Variants in TRAK1 observed in about 807,000 individuals in gnomAD.
The protein encoded by TRAK1 is trafficking kinesin protein 1.
TRAK1 carries 33 observed loss-of-function variants against 92.1 expected under a neutral mutation model. The ratio of observed to expected loss-of-function variants is 0.36; its 90% confidence interval spans 0.27 to 0.48. The LOEUF (loss-of-function observed/expected upper bound fraction) is 0.48, where lower values mean the gene tolerates loss of function less well. TRAK1 is among the 20% of genes least tolerant of loss of function. The pLI is 0.99. For missense variants in TRAK1, 1,123 were observed against 1,257.9 expected, an observed-to-expected ratio of 0.89 and a Z score of 1.62; for synonymous variants, 521 against 517.3, an observed-to-expected ratio of 1.01 and a Z score of -0.10.
intron 13 of TRAK1, 57 bp from the exon 14 acceptor site, chr3:42,209,710 C>A: frequency 6.5e-7 from 1 of 1,542,264 alleles, no homozygotes; most frequent in Non-Finnish European, 8.9e-7. Context: ...TCTTGGACTT[C>A]CATCCTAACC....
At chr3:42,220,675 G>A in intron 15 of TRAK1, 1 of 890,078 alleles carries the variant, frequency 1.1e-6, no homozygotes, top group Non-Finnish European at 1.3e-6. Flanking sequence ...ACTAACCCGG[G>A]GACTTAGGCT....
At chr3:42,068,462 T>G (rs1703773894) in intron 1 of TRAK1, among the ~76,000 whole-genome samples, 1 of 152,218 alleles carries the variant, frequency 6.6e-6, no homozygotes, top group Non-Finnish European at 1.5e-5. Flanking sequence ...CTGCATGTGG[T>G]CCATTAGCTG....
chr3:42,033,127 C>G (rs1050683153), intron 1 of TRAK1, among the ~76,000 whole-genome samples: 4 of 152,176 alleles, frequency 2.6e-5, no homozygotes, highest in Admixed American at 2.0e-4. Context: ...ATTACCGCGG[C>G]CTCCCATCTC....
chr3:42,042,378 T>A (rs186604995), intron 1 of TRAK1, among the ~76,000 whole-genome samples: 3 of 152,214 alleles, frequency 2.0e-5, no homozygotes, highest in Admixed American at 2.0e-4. Context: ...ATTTTATTAT[T>A]ATTATTGTCT....
chr3:42,043,620 G>GC (rs952854170), intron 1 of TRAK1, among the ~76,000 whole-genome samples: 9 of 151,848 alleles, frequency 5.9e-5, no homozygotes, highest in Admixed American at 3.3e-4. Flanking sequence ...GGAGCTGGGG[G>GC]GGGGGCGGGG....
At chr3:42,121,824 G>T (rs887499557) in intron 1 of TRAK1, among the ~76,000 whole-genome samples, 28 of 149,540 alleles carry the variant, frequency 1.9e-4, no homozygotes, top group African/African-American at 6.9e-4. Flanking sequence ...ATATACAGTT[G>T]TTTTTTTTTT....
intron 1 of TRAK1, among the ~76,000 whole-genome samples, chr3:42,036,889 A>T (rs574149293): frequency 2.2e-4 from 34 of 152,332 alleles, no homozygotes; most frequent in Non-Finnish European, 4.6e-4. Flanking sequence ...AGCTAGGATT[A>T]CAGGTGCATG....
chr3:42,200,676 G>A (rs1361734959), intron 11 of TRAK1, 142 bp from the exon 12 acceptor site: 1 of 766,222 alleles, frequency 1.3e-6, no homozygotes, highest in Admixed American at 2.3e-5. Flanking sequence ...TAAGAAACAG[G>A]TGGCAGGCAC....
intron 1 of TRAK1, among the ~76,000 whole-genome samples, chr3:42,062,046 C>G (rs1703467785): frequency 6.6e-6 from 1 of 152,296 alleles, no homozygotes. Flanking sequence ...GAGAAGGGGA[C>G]ATTGAAATTG....
intron 14 of TRAK1, chr3:42,212,117 G>C (rs527613165): frequency 1.0e-6 from 1 of 985,362 alleles, no homozygotes; most frequent in African/African-American, 1.7e-5. Flanking sequence ...AAAGCATATC[G>C]CTAAGTAAAT....
rs559616201 is a variant in TRAK1, at chr3:42,208,021, C to T, written c.1745-1746C>T. Among the ~76,000 whole-genome samples, 7 of 152,270 alleles carry T rather than the reference C, an allele frequency of 4.6e-5. No individual in the cohort carries two copies. The South Asian group carries it at 1.4e-3, about 32-fold the overall frequency. Reference sequence around the variant, plus strand: ...CAGCTGTGACAACCAAACGTGTCTCCAGACATTACCAAATGTCCCTGGGGG... The same window carrying T: ...CAGCTGTGACAACCAAACGTGTCTCTAGACATTACCAAATGTCCCTGGGGG... On this transcript the variant is annotated intron_variant, in intron 13 of 15. Coordinates refer to ENST00000327628, the MANE Select transcript of TRAK1 (RefSeq NM_001042646.3).
chr3:42,155,460 T>C (rs1447178781), intron 2 of TRAK1, among the ~76,000 whole-genome samples: 1 of 152,210 alleles, frequency 6.6e-6, no homozygotes, highest in Admixed American at 6.5e-5. Flanking sequence ...ATATTTTGTT[T>C]GTAGGGGTGG....
intron 3 of TRAK1, among the ~76,000 whole-genome samples, chr3:42,177,181 T>C (rs181706074): frequency 2.0e-5 from 3 of 152,382 alleles, no homozygotes; most frequent in African/African-American, 2.4e-5. Flanking sequence ...CATTGACTAA[T>C]GATATATTTT....
rs570797742 is a variant in TRAK1 at position 42,207,702 on chromosome 3, C to T, written c.1745-2065C>T. ...CAGTGATGCTGTGGCATCTGGGACT[C>T]GGGAGCCCACGAACTGGTCTCTGCA... On this transcript the variant is annotated intron_variant, in intron 13 of 15. Transcript: ENST00000327628. 6.6e-5 allele frequency among the ~76,000 whole-genome samples: 10 copies of T among 152,288 alleles called. No individual in the cohort carries two copies. In the South Asian group the frequency reaches 1.2e-3, roughly 19 times the overall value.
In TRAK1 at chr3:42,202,958, G is replaced by A. The variant is rs1707851708; in HGVS notation, c.1744+206G>A. 5.1e-6 allele frequency: 7 copies of A among 1,370,092 alleles called. No individual in the cohort carries two copies. The highest frequency in any genetic ancestry group is 4.7e-6 in the Non-Finnish European group (5 of 1,060,418). The allele number at this position is 1,370,092 out of a possible 1,614,324, so 84.9% of individuals were successfully genotyped here. A position where few individuals can be genotyped will look rare whatever the true frequency, so the allele number is the denominator to read the frequency against. Reference sequence around the variant, plus strand: ...CCCTCTGGCTGGCAGGTGTGACAATGCACACATAGGCCATGAAACTCGCCG... The same window carrying A: ...CCCTCTGGCTGGCAGGTGTGACAATACACACATAGGCCATGAAACTCGCCG... On this transcript the variant is annotated intron_variant, in intron 13 of 15. Transcript: ENST00000327628. The surrounding 1 kb of genome is among the most constrained non-coding windows in gnomAD (Gnocchi z 6.1).
chr3:42,041,569 T>C (rs1702540201), intron 1 of TRAK1, among the ~76,000 whole-genome samples: 1 of 151,226 alleles, frequency 6.6e-6, no homozygotes, highest in South Asian at 2.1e-4. Context: ...GGTGGTAGCT[T>C]TAATTCTTCC....
At chr3:42,195,709 C>T (rs930105855) in intron 10 of TRAK1, among the ~76,000 whole-genome samples, 14 of 152,208 alleles carry the variant, frequency 9.2e-5, no homozygotes, top group African/African-American at 3.1e-4. Context: ...ACCACCCCCT[C>T]TCCGCCTCAA....
intron 2 of TRAK1, among the ~76,000 whole-genome samples, chr3:42,140,115 C>T (rs1051940378): frequency 6.6e-6 from 1 of 152,146 alleles, no homozygotes; most frequent in African/African-American, 2.4e-5. Context: ...CCAGGATGCA[C>T]GTTGGCTCCT....
intron 1 of TRAK1, among the ~76,000 whole-genome samples, chr3:42,039,422 G>T (rs1005923535): frequency 3.3e-5 from 5 of 152,306 alleles, no homozygotes; most frequent in East Asian, 1.9e-4. Context: ...GGAGTGCAAT[G>T]GCGTGATCTC....
Sources: allele counts gnomAD v4.1 joint callset (sites outside exome capture counted in the v4.1 genomes callset), GRCh38; gene constraint gnomAD v4.1.1; non-coding constraint Gnocchi (gnomAD v3.1); transcripts MANE v1.5; gene names NCBI Gene and HGNC (gene_info 2026-07-23, HGNC 2026-07-21).